TBC1D23: variants seen among roughly 807,000 people sequenced by gnomAD.
TBC1D23 encodes TBC1 domain family member 23.
TBC1D23 carries 55 observed loss-of-function variants against 91.4 expected under a neutral mutation model. The ratio of observed to expected loss-of-function variants is 0.60; its 90% CI spans 0.48 to 0.75. The LOEUF is 0.75. Ranked by LOEUF, TBC1D23 falls within the 30% of genes least tolerant of loss-of-function variation. TBC1D23 has a pLI of 0.00. For synonymous variants in TBC1D23, 289 were observed against 281.0 expected, an observed-to-expected ratio of 1.03 and a Z score of -0.28; for missense variants, 725 against 836.1, an observed-to-expected ratio of 0.87 and a Z score of 1.64.
chr3:100,284,712 ATTG>A (rs1380713334), intron 4 of TBC1D23, among the ~76,000 whole-genome samples: 2 of 152,034 alleles, frequency 1.3e-5, no homozygotes, highest in Non-Finnish European at 2.9e-5. Context: ...GCCAGAAAGA[ATTG>A]TTGTAGTTCC....
intron 10 of TBC1D23, among the ~76,000 whole-genome samples, chr3:100,301,605 C>T (rs757516679): frequency 2.0e-5 from 3 of 152,138 alleles, no homozygotes; most frequent in South Asian, 4.1e-4. Flanking sequence ...AATATTTCAT[C>T]CTTGTGTCTC....
At position 100,295,158 on chromosome 3, in the gene TBC1D23, A is replaced by G. The variant is rs1412369175; in HGVS notation, c.672A>G (p.Gln224=). 3 of 1,605,524 alleles carry G rather than the reference A, an allele frequency of 1.9e-6. No individual in the cohort carries two copies. Among genetic ancestry groups the G allele is most frequent in the Non-Finnish European group, 2.6e-6 (3 of 1,175,796 alleles). ...TQAIWDGYLQ[Q]ADPFFIYFLM... The stretch of plus-strand genomic sequence containing the variant: ...CAATATGGGATGGATATCTACAACA[A>G]GCAGATCCATTTTTTATTTATTTCT... The change falls in exon 6 of 19, where the codon CAA becomes CAG. Residue 224 remains glutamine, a synonymous_variant. Transcript: ENST00000394144.
intron 1 of TBC1D23, among the ~76,000 whole-genome samples, chr3:100,269,469 A>G (rs1576156991): frequency 1.3e-5 from 2 of 152,220 alleles, no homozygotes; most frequent in Admixed American, 1.3e-4. Context: ...AATTGTATCA[A>G]ATTGTTCTCA....
intron 1 of TBC1D23, among the ~76,000 whole-genome samples, chr3:100,264,652 A>G (rs989091445): frequency 2.6e-5 from 4 of 151,910 alleles, no homozygotes; most frequent in African/African-American, 9.7e-5. Flanking sequence ...AGTTTTTCCT[A>G]TTTTCTTTTT....
intron 8 of TBC1D23, 135 bp from the exon 9 acceptor site, chr3:100,297,788 T>G (rs1459607765): frequency 3.2e-6 from 2 of 619,344 alleles, no homozygotes; most frequent in African/African-American, 3.8e-5. Flanking sequence ...TTTGAGATTA[T>G]GTAGTATTAA....
intron 5 of TBC1D23, among the ~76,000 whole-genome samples, chr3:100,293,853 G>C (rs1022510431): frequency 6.6e-6 from 1 of 152,092 alleles, no homozygotes; most frequent in Non-Finnish European, 1.5e-5. Flanking sequence ...CCTGTAAAAT[G>C]GGGAGAAATG....
intron 1 of TBC1D23, among the ~76,000 whole-genome samples, chr3:100,265,742 G>GT (rs917412734): frequency 4.6e-5 from 7 of 152,040 alleles, no homozygotes; most frequent in East Asian, 1.9e-4. Flanking sequence ...TTTAATTAGG[G>GT]TTTTTTATTG....
chr3:100,273,956 A>G (rs1483712566), intron 1 of TBC1D23, among the ~76,000 whole-genome samples: 1 of 152,242 alleles, frequency 6.6e-6, no homozygotes, highest in Admixed American at 6.5e-5. Context: ...TGAGTTTATT[A>G]TAAATATAGA....
chr3:100,309,210 A>G (rs1399832504), intron 13 of TBC1D23, among the ~76,000 whole-genome samples: 1 of 152,076 alleles, frequency 6.6e-6, no homozygotes, highest in Non-Finnish European at 1.5e-5. Flanking sequence ...AAAGAATTAT[A>G]CTCGCATCTC....
At chr3:100,315,795 G>A (rs1297851998) in intron 15 of TBC1D23, 4 of 317,240 alleles carry the variant, frequency 1.3e-5, no homozygotes, top group Non-Finnish European at 2.4e-5. Flanking sequence ...AATAACTTCC[G>A]CAAGGCCAAA....
chr3:100,265,741 G>A (rs749566256), intron 1 of TBC1D23, among the ~76,000 whole-genome samples: 12 of 151,918 alleles, frequency 7.9e-5, no homozygotes, highest in African/African-American at 1.2e-4. Flanking sequence ...TTTTAATTAG[G>A]GTTTTTTATT....
intron 5 of TBC1D23, among the ~76,000 whole-genome samples, chr3:100,294,389 TAGC>T (rs1297386400): frequency 1.3e-5 from 2 of 151,958 alleles, no homozygotes; most frequent in Non-Finnish European, 2.9e-5. Context: ...GCCTCCCAAG[TAGC>T]TGGGACTACA....
chr3:100,306,475 C>T lies in TBC1D23; in HGVS notation c.1345C>T (p.Pro449Ser), dbSNP rs146322617. The change falls in exon 13 of 19, where the codon CCA becomes TCA. Residue 449 changes from proline (P) to serine (S), a missense_variant. Physicochemically the swap from Pro to Ser is moderately conservative, Grantham distance 74. Transcript: ENST00000394144. ...CCTGGCAGACATTAATGTGGATGGACCAGAAAATGGATATGGCCATTGGAT... is the reference window on the plus strand; with the variant it reads ...CCTGGCAGACATTAATGTGGATGGATCAGAAAATGGATATGGCCATTGGAT... ...QHLADINVDGPENGYGHWIAS... is the reference protein window; with the variant it reads ...QHLADINVDGSENGYGHWIAS... 2.4e-5 allele frequency: 39 copies of T among 1,612,376 alleles called. No individual in the cohort carries two copies. The highest frequency in any genetic ancestry group is 1.7e-4 in the Middle Eastern group (1 of 6,056).
intron 1 of TBC1D23, among the ~76,000 whole-genome samples, chr3:100,277,607 G>A (rs1044210020): frequency 6.6e-6 from 1 of 152,122 alleles, no homozygotes; most frequent in Admixed American, 6.6e-5. Context: ...ACTTCAAAAA[G>A]AAAAGGATTT....
chr3:100,262,736 A>AC (rs2067523022), intron 1 of TBC1D23, among the ~76,000 whole-genome samples: 1 of 150,886 alleles, frequency 6.6e-6, no homozygotes, highest in African/African-American at 2.5e-5. Context: ...AAAAAAAAAA[A>AC]AAAAAAAAAC....
chr3:100,278,647 G>A (rs1316791362), intron 1 of TBC1D23, among the ~76,000 whole-genome samples: 2 of 152,164 alleles, frequency 1.3e-5, no homozygotes, highest in Non-Finnish European at 2.9e-5. Context: ...GCCTCCCAAA[G>A]TGCTGGGATT....
chr3:100,303,257 T>A (rs1705464688), intron 11 of TBC1D23, among the ~76,000 whole-genome samples: 1 of 152,232 alleles, frequency 6.6e-6, no homozygotes, highest in Non-Finnish European at 1.5e-5. Flanking sequence ...CAATTTGGAT[T>A]CATTTCTATT....
At chr3:100,280,909 C>T (rs1486719370) in intron 2 of TBC1D23, among the ~76,000 whole-genome samples, 3 of 152,132 alleles carry the variant, frequency 2.0e-5, no homozygotes, top group African/African-American at 7.2e-5. Context: ...CCTGTAATCC[C>T]AGCACTTTGG....
chr3:100,307,407 T>C (rs1441622374), intron 13 of TBC1D23, among the ~76,000 whole-genome samples: 7 of 152,224 alleles, frequency 4.6e-5, no homozygotes, highest in Non-Finnish European at 2.9e-5. Flanking sequence ...TCCAGCAAGA[T>C]CTTTGAGCTG....
Sources: allele counts gnomAD v4.1 joint callset (sites outside exome capture counted in the v4.1 genomes callset), GRCh38; gene constraint gnomAD v4.1.1; transcripts MANE v1.5; gene names NCBI Gene and HGNC (gene_info 2026-07-23, HGNC 2026-07-21).